Variants in TYW1 observed in about 807,000 individuals in gnomAD.
TYW1 encodes the protein tRNA-yW synthesizing protein 1 homolog, also known as S-adenosyl-L-methionine-dependent tRNA 4-demethylwyosine synthase TYW1.
A neutral mutation model predicts 96.2 loss-of-function variants in TYW1; 46 were observed. That is an observed-to-expected ratio of 0.48 (90% CI 0.38 to 0.61). The LOEUF (loss-of-function observed/expected upper bound fraction) is 0.61, where lower values mean the gene tolerates loss of function less well. Ranked by LOEUF, TYW1 falls within the 20% of genes least tolerant of loss-of-function variation. TYW1 has a pLI of 0.00. For missense variants in TYW1, 684 were observed against 909.6 expected (o/e 0.75, Z 3.19); for synonymous variants, 274 against 323.0 (o/e 0.85, Z 1.63).
intron 6 of TYW1, among the ~76,000 whole-genome samples, chr7:67,024,468 A>G (rs973497025): frequency 1.3e-5 from 2 of 152,010 alleles, no homozygotes; most frequent in African/African-American, 4.8e-5. Context: ...TGCCCAGCCT[A>G]GATTTTATTT....
chr7:67,099,254 A>G (rs957771605), intron 12 of TYW1, among the ~76,000 whole-genome samples: 1 of 151,522 alleles, frequency 6.6e-6, no homozygotes, highest in Non-Finnish European at 1.5e-5. Context: ...CTGGTCTTGA[A>G]CTCCTTACCT....
At chr7:67,043,046 C>A (rs1012592234) in intron 7 of TYW1, among the ~76,000 whole-genome samples, 10 of 151,580 alleles carry the variant, frequency 6.6e-5, no homozygotes, top group African/African-American at 2.2e-4. Flanking sequence ...ACTAGATTAT[C>A]TCACTCAATC....
At chr7:67,099,383 ATTG>A (rs1584559532) in intron 12 of TYW1, among the ~76,000 whole-genome samples, 1 of 152,036 alleles carries the variant, frequency 6.6e-6, no homozygotes, top group Non-Finnish European at 1.5e-5. Flanking sequence ...TGGAAACTAT[ATTG>A]TTGTTAATAA....
chr7:67,000,588 C>G (rs1218309477), intron 3 of TYW1, among the ~76,000 whole-genome samples: 1 of 152,052 alleles, frequency 6.6e-6, no homozygotes, highest in Non-Finnish European at 1.5e-5. Flanking sequence ...CGTGAGGCAC[C>G]GCTCCCAGCC....
chr7:67,131,602 A>G (rs1400365432), intron 13 of TYW1, among the ~76,000 whole-genome samples: 1 of 152,168 alleles, frequency 6.6e-6, no homozygotes, highest in Non-Finnish European at 1.5e-5. Flanking sequence ...AGGGTTCTCT[A>G]GAGGGACAGA....
intron 7 of TYW1, among the ~76,000 whole-genome samples, chr7:67,047,018 C>T (rs1024280061): frequency 7.2e-5 from 11 of 152,148 alleles, no homozygotes; most frequent in African/African-American, 2.4e-4. Flanking sequence ...TGTCATGGAC[C>T]TCGGTCCAGT....
rs1424171580 is a variant in TYW1 at position 67,112,120 on chromosome 7, A to AAAAAAAAAAAG, written c.1563-5360_1563-5359insAAAAAAAGAAA. 2.7e-5 allele frequency among the ~76,000 whole-genome samples: 4 copies of AAAAAAAAAAAG among 148,780 alleles called. No individual in the cohort carries two copies. In the Admixed American group the frequency reaches 2.7e-4, roughly 10 times the overall value. ...TCTGACAAAAAAAAAAAAAAAAAAA[A>AAAAAAAAAAAG]AAAGAAAGTGCAAAAGCTCTTTATG... is the stretch of plus-strand genomic sequence containing the variant. On this transcript the variant is annotated intron_variant, in intron 12 of 15. Transcript: ENST00000359626.
chr7:67,045,077 T>C (rs776082910), intron 7 of TYW1, among the ~76,000 whole-genome samples: 11 of 152,266 alleles, frequency 7.2e-5, no homozygotes, highest in Non-Finnish European at 1.2e-4. Flanking sequence ...TCCAACTATA[T>C]AGCATTTTAC....
chr7:66,998,905 T>G lies in TYW1; in HGVS notation c.224T>G (p.Phe75Cys). 2.5e-6 allele frequency: 4 copies of G among 1,614,152 alleles called. No homozygotes were observed. The highest frequency in any genetic ancestry group is 3.4e-6 in the Non-Finnish European group (4 of 1,180,000). Residue 75 changes from phenylalanine (F) to cysteine (C), a missense_variant, in exon 3 of 16, where the codon TTT becomes TGT. Phe to Cys is a radical substitution (Grantham distance 205, BLOSUM62 -2). Transcript: ENST00000359626. Reference sequence around the variant, plus strand: ...GTCTCCCTTCAAGAGAAAGACATCTTTGTGTCTGGAGTGAAGATTTTTTAT... The same window carrying G: ...GTCTCCCTTCAAGAGAAAGACATCTGTGTGTCTGGAGTGAAGATTTTTTAT... ...GYVSLQEKDI[F>C]VSGVKIFYGS...
chr7:67,187,069 T>G lies in TYW1; in HGVS notation c.1809+3833T>G, dbSNP rs1265224330. 6.9e-3 allele frequency among the ~76,000 whole-genome samples: 810 copies of G among 117,458 alleles called. 21 individuals carry two copies. In the East Asian group the frequency reaches 0.091, roughly 13 times the overall value. 77.1% of individuals were successfully genotyped at this position (117,458 alleles called of 152,430 possible). The stretch of plus-strand genomic sequence containing the variant: ...ACAATTAAATTTTTTTTTTTTTTTT[T>G]TTTTTTTTTTTTGAGATAGGGTCTT... On this transcript the variant is annotated intron_variant, in intron 14 of 15. Coordinates refer to ENST00000359626, the MANE Select transcript of TYW1 (RefSeq NM_018264.4).
intron 13 of TYW1, among the ~76,000 whole-genome samples, chr7:67,146,141 A>G (rs1223296673): frequency 6.6e-6 from 1 of 152,140 alleles, no homozygotes; most frequent in Non-Finnish European, 1.5e-5. Context: ...TTATAATCAT[A>G]CTATGTGCAT....
chr7:67,221,451 G>A (rs1385529430), intron 15 of TYW1, among the ~76,000 whole-genome samples: 1 of 152,110 alleles, frequency 6.6e-6, no homozygotes, highest in African/African-American at 2.4e-5. Context: ...CTACCAATCT[G>A]TGTCTTTGGA....
intron 8 of TYW1, among the ~76,000 whole-genome samples, chr7:67,052,694 A>G (rs970482285): frequency 1.3e-5 from 2 of 152,078 alleles, no homozygotes; most frequent in Admixed American, 1.3e-4. Context: ...GTCAGACCTA[A>G]TTTTACCTTA....
intron 9 of TYW1, among the ~76,000 whole-genome samples, chr7:67,061,076 A>G (rs1408211858): frequency 6.6e-6 from 1 of 152,068 alleles, no homozygotes. Context: ...AAAAATACAA[A>G]AGTTAGATGG....
At chr7:67,009,112 G>A (rs75303188) in intron 3 of TYW1, among the ~76,000 whole-genome samples, 1 of 151,448 alleles carries the variant, frequency 6.6e-6, no homozygotes, top group Admixed American at 6.6e-5. Flanking sequence ...TGGGCTCGGG[G>A]GATCTTCCCG....
rs1240727616 is a variant in TYW1, at chr7:67,078,081, T to G, written c.1275-5349T>G. Among the ~76,000 whole-genome samples, 3 of 152,032 alleles carry G rather than the reference T, an allele frequency of 2.0e-5. No homozygotes were observed. The East Asian group carries it at 5.8e-4, about 29-fold the overall frequency. Reference sequence around the variant, plus strand: ...GCTTTGGTTACAGTAGGTTTATAGTTTATTTTTTGTTTTTTGTTTTTGTTT... The same window carrying G: ...GCTTTGGTTACAGTAGGTTTATAGTGTATTTTTTGTTTTTTGTTTTTGTTT... On this transcript the variant is annotated intron_variant, in intron 10 of 15. Transcript: ENST00000359626.
At chr7:67,161,494 G>C (rs2116220361) in intron 13 of TYW1, among the ~76,000 whole-genome samples, 1 of 152,258 alleles carries the variant, frequency 6.6e-6, no homozygotes, top group Non-Finnish European at 1.5e-5. Context: ...GGCTCATCTT[G>C]AGTAGGTGTT....
At chr7:67,184,104 C>T (rs948526642) in intron 14 of TYW1, among the ~76,000 whole-genome samples, 2 of 152,212 alleles carry the variant, frequency 1.3e-5, no homozygotes, top group Non-Finnish European at 2.9e-5. Flanking sequence ...TAGGTGTGAG[C>T]CACTGTGCCC....
chr7:67,220,589 G>A (rs1282019756), intron 15 of TYW1, among the ~76,000 whole-genome samples: 1 of 152,034 alleles, frequency 6.6e-6, no homozygotes, highest in South Asian at 2.1e-4. Flanking sequence ...GGCCTAATTG[G>A]TAGCCTAACT....
Sources: gnomAD v4.1 joint callset for allele counts (sites outside exome capture counted in the v4.1 genomes callset) on GRCh38, gnomAD v4.1.1 for gene constraint, MANE v1.5 for transcripts, NCBI Gene and HGNC (gene_info 2026-07-23, HGNC 2026-07-21) for gene names.